SCARA5: variants seen among roughly 807,000 people sequenced by gnomAD.
The protein encoded by SCARA5 is scavenger receptor class A, member 5 (putative).
SCARA5 carries 45 observed loss-of-function variants against 46.3 expected under a neutral mutation model. The ratio of observed to expected loss-of-function variants is 0.97; its 90% CI spans 0.76 to 1.24. The LOEUF (loss-of-function observed/expected upper bound fraction) is 1.24. Ranked by LOEUF, SCARA5 falls within the 50% of genes most tolerant of loss-of-function variation. The pLI, the probability that SCARA5 is intolerant of heterozygous loss-of-function variation, is 0.00. For synonymous variants in SCARA5, 333 were observed against 306.5 expected, an observed-to-expected ratio of 1.09 and a Z score of -0.90; for missense variants, 680 against 689.0, an observed-to-expected ratio of 0.99 and a Z score of 0.15.
intron 3 of SCARA5, among the ~76,000 whole-genome samples, chr8:27,954,592 C>A (rs955835322): frequency 2.6e-5 from 4 of 152,178 alleles, no homozygotes; most frequent in Non-Finnish European, 4.4e-5. Context: ...TTAAACAATG[C>A]TCTGAGACTG....
At chr8:27,907,486 C>T (rs1308743568) in intron 5 of SCARA5, among the ~76,000 whole-genome samples, 1 of 151,606 alleles carries the variant, frequency 6.6e-6, no homozygotes, top group Admixed American at 6.6e-5. Flanking sequence ...AGGTCCAGTG[C>T]TGTTGTGAGT....
At chr8:27,937,232 G>A (rs533275796) in intron 3 of SCARA5, among the ~76,000 whole-genome samples, 5 of 152,250 alleles carry the variant, frequency 3.3e-5, no homozygotes, top group South Asian at 4.1e-4. Context: ...GGTGTAACCC[G>A]GCAGGGCTCA....
At chr8:27,963,507 G>T (rs1585516523) in intron 3 of SCARA5, among the ~76,000 whole-genome samples, 1 of 152,310 alleles carries the variant, frequency 6.6e-6, no homozygotes, top group East Asian at 1.9e-4. Flanking sequence ...ATGAGCTAAG[G>T]GAAGAGAACC....
intron 3 of SCARA5, among the ~76,000 whole-genome samples, chr8:27,950,615 C>T (rs1444867826): frequency 6.6e-6 from 1 of 152,278 alleles, no homozygotes; most frequent in East Asian, 1.9e-4. Context: ...GACATGTGAG[C>T]TCCAGGTGCC....
At chr8:27,947,921 C>T (rs1009026173) in intron 3 of SCARA5, among the ~76,000 whole-genome samples, 1 of 151,864 alleles carries the variant, frequency 6.6e-6, no homozygotes, top group Non-Finnish European at 1.5e-5. Context: ...ATATGAGGTC[C>T]CCAAGAGAAG....
intron 4 of SCARA5, among the ~76,000 whole-genome samples, chr8:27,911,703 AAAG>A (rs974024711): frequency 3.3e-5 from 5 of 152,120 alleles, no homozygotes; most frequent in African/African-American, 7.2e-5. Flanking sequence ...AAAAAAAAAG[AAAG>A]AAGAAAGAAA....
Position 27,879,556 on chromosome 8 carries a change from C to G in SCARA5, c.1351+13G>C. The G allele has an allele frequency of 6.2e-7, 1 of 1,602,872 alleles. No individual in the cohort carries two copies. On this transcript the variant is annotated intron_variant, in intron 8 of 8. Coordinates refer to ENST00000354914, the MANE Select transcript of SCARA5 (RefSeq NM_173833.6). ...GCCCTCTCCTCATGTTTTTTGCCCT[C>G]AGAGCGCCTTACCTTGCCCGAATCG...
At chr8:27,959,486 G>A (rs879517425) in intron 3 of SCARA5, among the ~76,000 whole-genome samples, 3 of 152,100 alleles carry the variant, frequency 2.0e-5, no homozygotes, top group South Asian at 2.1e-4. Flanking sequence ...AACAAGGTGC[G>A]GTGCCCTATC....
intron 3 of SCARA5, among the ~76,000 whole-genome samples, chr8:27,961,630 T>G (rs1295591551): frequency 6.6e-6 from 1 of 152,212 alleles, no homozygotes; most frequent in Non-Finnish European, 1.5e-5. Flanking sequence ...TAGCTGGTGA[T>G]AGAGAAGCCA....
intron 3 of SCARA5, among the ~76,000 whole-genome samples, chr8:27,930,439 G>A (rs556164994): frequency 6.7e-6 from 1 of 149,796 alleles, no homozygotes; most frequent in Non-Finnish European, 1.5e-5. Flanking sequence ...TTTCATTCTT[G>A]TTGCCCAGGC....
chr8:27,975,796 G>C (rs1162176435), intron 2 of SCARA5, among the ~76,000 whole-genome samples: 1 of 152,150 alleles, frequency 6.6e-6, no homozygotes, highest in African/African-American at 2.4e-5. Flanking sequence ...AGACGGCTCA[G>C]CGAGGGCACC....
chr8:27,892,730 C>T lies in SCARA5; in HGVS notation c.1153+12048G>A, dbSNP rs1347678975. On this transcript the variant is annotated intron_variant, in intron 7 of 8. Transcript: ENST00000354914. The stretch of plus-strand genomic sequence containing the variant: ...TTCACGCTATTCTGCCTCAGCCTCC[C>T]GAGTAGCTGGGACCACAGGCGCCCG... Among the ~76,000 whole-genome samples, 5 of 151,980 alleles carry T rather than the reference C, an allele frequency of 3.3e-5. No homozygotes were observed. In the South Asian group the frequency reaches 8.3e-4, roughly 25 times the overall value.
intron 7 of SCARA5, among the ~76,000 whole-genome samples, chr8:27,900,285 G>C (rs749211798): frequency 1.6e-4 from 25 of 152,348 alleles, no homozygotes; most frequent in Non-Finnish European, 3.5e-4. Context: ...TAGGCACAGG[G>C]ATGGGAGAAG....
intron 4 of SCARA5, among the ~76,000 whole-genome samples, chr8:27,910,971 T>C (rs1023815512): frequency 1.3e-5 from 2 of 152,168 alleles, no homozygotes; most frequent in South Asian, 4.1e-4. Flanking sequence ...GAGGCAGCTG[T>C]TGTTTCAACC....
intron 2 of SCARA5, among the ~76,000 whole-genome samples, chr8:27,979,710 C>T (rs1282251797): frequency 2.6e-5 from 4 of 152,102 alleles, no homozygotes; most frequent in East Asian, 1.9e-4. Flanking sequence ...CACACCGCCA[C>T]GCCACGCCTG....
At chr8:27,872,811 A>C (rs1806661397) in intron 8 of SCARA5, among the ~76,000 whole-genome samples, 1 of 152,254 alleles carries the variant, frequency 6.6e-6, no homozygotes, top group Non-Finnish European at 1.5e-5. Flanking sequence ...GAACAGTTCC[A>C]AGGTGACCCA....
At chr8:27,982,501 C>A (rs926477104) in intron 2 of SCARA5, among the ~76,000 whole-genome samples, 1 of 152,162 alleles carries the variant, frequency 6.6e-6, no homozygotes, top group Non-Finnish European at 1.5e-5. Flanking sequence ...AGGAACCTTC[C>A]AGGTCCTATT....
Position 27,921,748 on chromosome 8 carries a change from C to T in SCARA5, c.739G>A (p.Asp247Asn). 6.3e-7 allele frequency: 1 copy of T among 1,584,846 alleles called. No homozygotes were observed. Among genetic ancestry groups the T allele is most frequent in the Non-Finnish European group, 8.6e-7 (1 of 1,168,160 alleles). Residue 247 changes from aspartate (D) to asparagine (N), a missense_variant, in exon 4 of 9, where the codon GAC becomes AAC. Physicochemically the swap from Asp to Asn is conservative, Grantham distance 23. Around this residue, in one of 3 missense-constraint regions of SCARA5, gnomAD observed 438 missense variants for 384.5 expected, o/e 1.14. Coordinates refer to ENST00000354914, the MANE Select transcript of SCARA5 (RefSeq NM_173833.6). Reference protein sequence around the residue: ...DVALHRTRLQDLRVLVSNASE... With the variant: ...DVALHRTRLQNLRVLVSNASE... ...GCGTTGCTCACCAGCACCCGCAGGT[C>T]CTGCAGCCGCGTGCGGTGGAGGGCC...
Position 27,918,602 on chromosome 8 carries a change from AAGGAGGAGGAAGAGGAGGGGGAGC to A in SCARA5, c.916+2945_916+2968del, listed in dbSNP as rs1807509162. ...AGAGGAGAAGGAAGAAGAGGAGGAG[AAGGAGGAGGAAGAGGAGGGGGAGC>A]AGGAGGAGGAAGATGAGGAGGAGGA... On this transcript the variant is annotated intron_variant, in intron 4 of 8. Coordinates refer to ENST00000354914, the MANE Select transcript of SCARA5 (RefSeq NM_173833.6). Among the ~76,000 whole-genome samples the A allele has an allele frequency of 4.2e-5, 6 of 142,850 alleles. No homozygotes were observed. The South Asian group carries it at 1.2e-3, about 28-fold the overall frequency. The allele number at this position is 142,850 out of a possible 152,430, so 93.7% of individuals were successfully genotyped here.
Sources: allele counts gnomAD v4.1 joint callset (sites outside exome capture counted in the v4.1 genomes callset), GRCh38; gene constraint gnomAD v4.1.1; regional missense constraint gnomAD v4.1.1; transcripts MANE v1.5; gene names NCBI Gene and HGNC (gene_info 2026-07-23, HGNC 2026-07-21).